Variants in GAS7 observed in about 807,000 individuals in gnomAD.
GAS7 encodes the protein growth arrest specific 7.
Under a neutral mutation model 71.1 loss-of-function variants are expected in GAS7, and 28 were observed. The ratio of observed to expected loss-of-function variants is 0.39; its 90% CI spans 0.29 to 0.54. The LOEUF (loss-of-function observed/expected upper bound fraction) is 0.54. GAS7 is among the 20% of genes least tolerant of loss of function. The pLI is 0.62. For synonymous variants in GAS7, 258 were observed against 245.8 expected (o/e 1.05, Z -0.46); for missense variants, 436 against 627.8 (o/e 0.69, Z 3.27).
chr17:10,028,360 T>A (rs2072524430), intron 1 of GAS7, among the ~76,000 whole-genome samples: 1 of 152,188 alleles, frequency 6.6e-6, no homozygotes, highest in African/African-American at 2.4e-5. Context: ...CAGAGTGAGA[T>A]ACTGTCTCAA....
At chr17:10,123,934 C>T (rs1360478752) in intron 1 of GAS7, among the ~76,000 whole-genome samples, 2 of 152,224 alleles carry the variant, frequency 1.3e-5, no homozygotes, top group Non-Finnish European at 2.9e-5. Context: ...ACACAATGCA[C>T]AAGAGGCCAG....
chr17:10,102,494 C>T (rs1237713015), intron 1 of GAS7, among the ~76,000 whole-genome samples: 1 of 152,114 alleles, frequency 6.6e-6, no homozygotes, highest in East Asian at 1.9e-4. Context: ...CTAGAATGGC[C>T]TCCGCATGCT....
intron 2 of GAS7, among the ~76,000 whole-genome samples, chr17:9,995,665 A>G (rs2071014910): frequency 6.6e-6 from 1 of 152,244 alleles, no homozygotes; most frequent in Non-Finnish European, 1.5e-5. Flanking sequence ...CCCCTATCTA[A>G]CCAGGATCTG....
rs2072478941 is a variant in GAS7 at position 10,026,976 on chromosome 17, C to T, written c.184-7079G>A. On this transcript the variant is annotated intron_variant, in intron 1 of 13. Transcript: ENST00000432992. The surrounding 1 kb of genome is among the most constrained non-coding windows in gnomAD (Gnocchi z 4.5). ...TCAGTGCACAGAAAATAGTAGGGGA[C>T]CCCTGGCAACGTCACAACACATCCT... 6.6e-6 allele frequency: 1 copy of T among 152,172 alleles called. No homozygotes were observed. The highest frequency in any genetic ancestry group is 2.4e-5 in the African/African-American group (1 of 41,428). The allele number at this position is 152,172 out of a possible 1,614,324, so 9.4% of individuals were successfully genotyped here. A position where few individuals can be genotyped will look rare whatever the true frequency, so the allele number is the denominator to read the frequency against.
Position 10,026,173 on chromosome 17 carries a change from C to T in GAS7, c.184-6276G>A, listed in dbSNP as rs1234200893. 1.0e-5 allele frequency: 10 copies of T among 985,252 alleles called. No homozygotes were observed. The South Asian group carries it at 1.4e-4, about 14-fold the overall frequency. 61.0% of individuals were successfully genotyped at this position (985,252 alleles called of 1,614,324 possible). ...ACCTTATCCTAAAGCCGTGAGCAAA[C>T]GCTACTCGCTGGTGTTAATGGGTGG... On this transcript the variant is annotated intron_variant, in intron 1 of 13. Transcript: ENST00000432992. The surrounding 1 kb of genome is among the most constrained non-coding windows in gnomAD (Gnocchi z 4.5).
At chr17:9,979,203 C>T (rs1411909528) in intron 3 of GAS7, among the ~76,000 whole-genome samples, 1 of 152,206 alleles carries the variant, frequency 6.6e-6, no homozygotes, top group East Asian at 1.9e-4. Context: ...GCTAATGTGC[C>T]TGTCCTTCTT....
At chr17:10,102,440 G>C in intron 1 of GAS7, among the ~76,000 whole-genome samples, 1 of 152,082 alleles carries the variant, frequency 6.6e-6, no homozygotes, top group South Asian at 2.1e-4. Context: ...TAGTCGGCTA[G>C]CTGACTAAGT....
At chr17:10,184,967 C>T (rs2074441576) in intron 1 of GAS7, among the ~76,000 whole-genome samples, 1 of 148,592 alleles carries the variant, frequency 6.7e-6, no homozygotes, top group Non-Finnish European at 1.5e-5. Context: ...CTGTGTCTCA[C>T]TCAGGCTGGA....
intron 1 of GAS7, among the ~76,000 whole-genome samples, chr17:10,032,941 T>G (rs1231789798): frequency 1.3e-5 from 2 of 152,162 alleles, no homozygotes; most frequent in African/African-American, 4.8e-5. Context: ...CGGTATGCGA[T>G]AGTGCACATG....
At chr17:10,156,134 A>G (rs2904905) in intron 1 of GAS7, among the ~76,000 whole-genome samples, 146,907 of 152,354 alleles carry the variant, frequency 0.96, 70,852 homozygotes, top group East Asian at 1. Context: ...GCTCCGCCAC[A>G]ATGTCCCTCT....
At chr17:10,145,981 G>A (rs1046901236) in intron 1 of GAS7, among the ~76,000 whole-genome samples, 1 of 152,174 alleles carries the variant, frequency 6.6e-6, no homozygotes, top group Non-Finnish European at 1.5e-5. Flanking sequence ...CAGGCCCTCT[G>A]AACCAGCAGA....
rs542348963 is a variant in GAS7 at position 10,036,592 on chromosome 17, CA to C, written c.184-16696del. 430 of 1,497,230 alleles carry C rather than the reference CA, an allele frequency of 2.9e-4. 3 individuals are homozygous for C. In the African/African-American group the frequency reaches 5.6e-3, roughly 19 times the overall value. 92.7% of individuals were successfully genotyped at this position (1,497,230 alleles called of 1,614,324 possible). On this transcript the variant is annotated intron_variant, in intron 1 of 13. Coordinates refer to ENST00000432992, the MANE Select transcript of GAS7 (RefSeq NM_201433.2). Reference sequence around the variant, plus strand: ...CTGAGGCAAGTCGCTAGCCCAGGGCCAGTGTTCTGGGCACCCCAGCGGAGGT... The same window carrying C: ...CTGAGGCAAGTCGCTAGCCCAGGGCCGTGTTCTGGGCACCCCAGCGGAGGT...
At chr17:10,089,678 G>A (rs1449988295) in intron 1 of GAS7, among the ~76,000 whole-genome samples, 1 of 151,596 alleles carries the variant, frequency 6.6e-6, no homozygotes, top group African/African-American at 2.4e-5. Flanking sequence ...CACAGAAGGA[G>A]TAAAAATAAG....
rs766245256 is a variant in GAS7, at chr17:9,934,193, T to C, written c.858A>G (p.Ala286=). 2.5e-6 allele frequency: 4 copies of C among 1,613,092 alleles called. No homozygotes were observed. In the East Asian group the frequency reaches 6.7e-5, roughly 27 times the overall value. ...TGGCAGAGAACTTGAGGTGAACTTC[T>C]GCTTCGTCCGCCAGGCTCTTCTTCA... ...AQVKKSLADE[A]EVHLKFSAKL... Residue 286 remains alanine (A), a synonymous_variant, in exon 9 of 14, where the codon GCA becomes GCG. Transcript: ENST00000432992.
At chr17:10,181,674 TG>T (rs2074418074) in intron 1 of GAS7, among the ~76,000 whole-genome samples, 1 of 152,114 alleles carries the variant, frequency 6.6e-6, no homozygotes, top group African/African-American at 2.4e-5. Context: ...GAAGAACCTA[TG>T]AAAAATGTTA....
At chr17:10,057,008 C>T (rs2073148908) in intron 1 of GAS7, among the ~76,000 whole-genome samples, 1 of 152,138 alleles carries the variant, frequency 6.6e-6, no homozygotes, top group African/African-American at 2.4e-5. Flanking sequence ...GTTGGCCAGG[C>T]TGGTCTCCAG....
intron 1 of GAS7, among the ~76,000 whole-genome samples, chr17:10,063,151 G>A (rs2073238425): frequency 6.6e-6 from 1 of 152,246 alleles, no homozygotes; most frequent in South Asian, 2.1e-4. Flanking sequence ...TTCCCCTAGA[G>A]GAACAGACAG....
intron 2 of GAS7, among the ~76,000 whole-genome samples, chr17:9,990,951 A>G (rs988513536): frequency 6.6e-6 from 1 of 152,178 alleles, no homozygotes; most frequent in African/African-American, 2.4e-5. Flanking sequence ...AACAAGGACC[A>G]TGTTATTTGG....
At chr17:10,165,601 A>C (rs2074288503) in intron 1 of GAS7, among the ~76,000 whole-genome samples, 1 of 152,224 alleles carries the variant, frequency 6.6e-6, no homozygotes, top group Non-Finnish European at 1.5e-5. Flanking sequence ...TGTCTTTAAA[A>C]AGTCAAGCCT....
Sources: gnomAD v4.1 joint callset for allele counts (sites outside exome capture counted in the v4.1 genomes callset) on GRCh38, gnomAD v4.1.1 for gene constraint, Gnocchi (gnomAD v3.1) non-coding constraint, MANE v1.5 for transcripts, NCBI Gene and HGNC (gene_info 2026-07-23, HGNC 2026-07-21) for gene names.